CSMD1: variants seen among roughly 807,000 people sequenced by gnomAD.
CSMD1 encodes CUB and sushi domain-containing protein 1.
CSMD1 carries 213 observed loss-of-function variants against 417.5 expected under a neutral mutation model. The observed-to-expected ratio is 0.51, with a 90% confidence interval of 0.46 to 0.57. CSMD1 has a LOEUF of 0.57. Among genes scored for constraint, CSMD1 ranks in the 20% least tolerant of loss-of-function variants. The pLI is 0.00. For synonymous variants in CSMD1, 2,862 were observed against 1,736.8 expected (o/e 1.65, Z -16.11); for missense variants, 6,923 against 4,529.7 (o/e 1.53, Z -15.17).
chr8:3,817,292 T>TTTTTA (rs1801439467), intron 5 of CSMD1, among the ~76,000 whole-genome samples: 1 of 93,548 alleles, frequency 1.1e-5, no homozygotes, highest in African/African-American at 5.4e-5. Flanking sequence ...TTTTTTTTTT[T>TTTTTA]TTTTTTGAGA....
intron 69 of CSMD1, among the ~76,000 whole-genome samples, chr8:2,940,797 A>G (rs1267612340): frequency 6.6e-6 from 1 of 152,214 alleles, no homozygotes; most frequent in Admixed American, 6.5e-5. Context: ...AAGTTGAGGG[A>G]AAACAGCTTT....
At chr8:3,642,574 A>C (rs1797361194) in intron 7 of CSMD1, among the ~76,000 whole-genome samples, 1 of 152,208 alleles carries the variant, frequency 6.6e-6, no homozygotes. Context: ...GTTTGCATAA[A>C]GGATGAAAAG....
intron 1 of CSMD1, among the ~76,000 whole-genome samples, chr8:4,939,059 C>T: frequency 6.6e-6 from 1 of 152,160 alleles, no homozygotes; most frequent in Non-Finnish European, 1.5e-5. Context: ...ATCAGATGCA[C>T]AGTTTGCAAA....
rs887379692 is a variant in CSMD1, at chr8:2,936,090, C to G, written c.*2495G>C. The G allele has an allele frequency of 6.6e-6, 1 of 152,122 alleles. No individual in the cohort carries two copies. The highest frequency in any genetic ancestry group is 2.4e-5 in the African/African-American group (1 of 41,414). 9.4% of individuals were successfully genotyped at this position (152,122 alleles called of 1,614,324 possible). A position where few individuals can be genotyped will look rare whatever the true frequency, so the allele number is the denominator to read the frequency against. ...CACTGCACACAACCTTAGGAAGAAA[C>G]TAGGCAGAATTCTCACACGAGAATT... On this transcript the variant is annotated 3_prime_UTR_variant, in exon 70 of 70. Transcript: ENST00000635120.
At chr8:3,915,442 T>C (rs1478732064) in intron 5 of CSMD1, among the ~76,000 whole-genome samples, 3 of 145,434 alleles carry the variant, frequency 2.1e-5, no homozygotes, top group Non-Finnish European at 4.5e-5. Context: ...TTTAGCATAG[T>C]AGGTTCGGAA....
intron 3 of CSMD1, among the ~76,000 whole-genome samples, chr8:4,343,294 T>G (rs1249543589): frequency 6.6e-6 from 1 of 152,018 alleles, no homozygotes; most frequent in East Asian, 1.9e-4. Flanking sequence ...TAGAGAGATA[T>G]TGGCCAAAGG....
intron 3 of CSMD1, among the ~76,000 whole-genome samples, chr8:4,065,912 C>A (rs1386376894): frequency 6.6e-6 from 1 of 152,096 alleles, no homozygotes; most frequent in Admixed American, 6.5e-5. Context: ...AACAAAGTGG[C>A]CCAGGGAAAA....
chr8:4,081,860 A>G (rs1309569071), intron 3 of CSMD1, among the ~76,000 whole-genome samples: 1 of 152,178 alleles, frequency 6.6e-6, no homozygotes, highest in Non-Finnish European at 1.5e-5. Context: ...TAATTAGAAA[A>G]ATAAGACATA....
chr8:3,750,735 G>A (rs1185771538), intron 6 of CSMD1, among the ~76,000 whole-genome samples: 1 of 152,140 alleles, frequency 6.6e-6, no homozygotes, highest in African/African-American at 2.4e-5. Context: ...AACCAGGACA[G>A]CCCCGTGTGG....
At chr8:4,846,408 C>G (rs1801148826) in intron 1 of CSMD1, among the ~76,000 whole-genome samples, 2 of 152,178 alleles carry the variant, frequency 1.3e-5, no homozygotes, top group Non-Finnish European at 2.9e-5. Context: ...ATCACTAACT[C>G]AGCCAGTGCC....
At position 4,789,276 on chromosome 8, in the gene CSMD1, C is replaced by T. The variant is rs138284332; in HGVS notation, c.86-151718G>A. On this transcript the variant is annotated intron_variant, in intron 1 of 69. Transcript: ENST00000635120. Reference sequence around the variant, plus strand: ...TATGAAGATGATCTGAATTATAATCCCCGGTTTCTAATACCAAACATGCAC... The same window carrying T: ...TATGAAGATGATCTGAATTATAATCTCCGGTTTCTAATACCAAACATGCAC... Among the ~76,000 whole-genome samples the T allele has an allele frequency of 2.6e-3, 396 of 152,048 alleles. 3 individuals are homozygous for T. Among genetic ancestry groups the T allele is most frequent in the African/African-American group, 9.3e-3 (386 of 41,456 alleles).
chr8:3,852,138 T>C (rs2930357), intron 5 of CSMD1, among the ~76,000 whole-genome samples: 54,173 of 151,892 alleles, frequency 0.36, 10,828 homozygotes, highest in African/African-American at 0.53. Flanking sequence ...TCGATACAAA[T>C]ACTCTATAAG....
At chr8:4,560,315 A>G (rs1473985190) in intron 2 of CSMD1, among the ~76,000 whole-genome samples, 5 of 152,158 alleles carry the variant, frequency 3.3e-5, no homozygotes, top group Admixed American at 2.0e-4. Context: ...TGAAGACAAA[A>G]CAGGATACAG....
chr8:3,959,472 C>T (rs111238096), intron 5 of CSMD1, among the ~76,000 whole-genome samples: 1 of 152,158 alleles, frequency 6.6e-6, no homozygotes, highest in Admixed American at 6.5e-5. Context: ...GCACTCCAGA[C>T]TGGATGACTG....
At chr8:3,775,465 G>C (rs1341011547) in intron 5 of CSMD1, among the ~76,000 whole-genome samples, 1 of 152,140 alleles carries the variant, frequency 6.6e-6, no homozygotes, top group East Asian at 1.9e-4. Context: ...ATTTATCAAT[G>C]ATACTCATGA....
Position 4,480,706 on chromosome 8 carries a change from G to T in CSMD1, c.303-60641C>A, listed in dbSNP as rs143955918. Among the ~76,000 whole-genome samples the T allele has an allele frequency of 5.7e-3, 865 of 152,220 alleles. 9 individuals carry two copies. The highest frequency in any genetic ancestry group is 0.019 in the African/African-American group (805 of 41,536). On this transcript the variant is annotated intron_variant, in intron 2 of 69. Transcript: ENST00000635120. Reference sequence around the variant, plus strand: ...TGTAGCTGTGTATCCATCTCTTTCTGACAACCACCTGGTATAGAATCCACT... The same window carrying T: ...TGTAGCTGTGTATCCATCTCTTTCTTACAACCACCTGGTATAGAATCCACT...
chr8:4,513,197 T>G (rs1802920336), intron 2 of CSMD1, among the ~76,000 whole-genome samples: 1 of 152,184 alleles, frequency 6.6e-6, no homozygotes, highest in African/African-American at 2.4e-5. Context: ...GTAATAAATG[T>G]ACCATTCTTA....
chr8:4,941,607 TA>T (rs66734228), intron 1 of CSMD1, among the ~76,000 whole-genome samples: 3 of 151,990 alleles, frequency 2.0e-5, no homozygotes, highest in Non-Finnish European at 2.9e-5. Flanking sequence ...TTTTAATTTT[TA>T]TTTTTTTTGA....
intron 3 of CSMD1, among the ~76,000 whole-genome samples, chr8:4,162,283 A>C (rs1207899548): frequency 6.6e-6 from 1 of 152,232 alleles, no homozygotes; most frequent in Non-Finnish European, 1.5e-5. Context: ...CCAATAATAA[A>C]GTTTGCTAAA....
Sources: gnomAD v4.1 joint callset for allele counts (sites outside exome capture counted in the v4.1 genomes callset) on GRCh38, gnomAD v4.1.1 for gene constraint, MANE v1.5 for transcripts, NCBI Gene and HGNC (gene_info 2026-07-23, HGNC 2026-07-21) for gene names.